Variants in WDR7 observed in about 807,000 individuals in gnomAD.
WDR7 encodes WD repeat domain 7, also known as WD repeat-containing protein 7.
A neutral mutation model predicts 169.4 loss-of-function variants in WDR7; 46 were observed. That is an observed-to-expected ratio of 0.27 (90% CI 0.21 to 0.35). The LOEUF is 0.35. WDR7 is among the 10% of genes least tolerant of loss of function. The probability of loss-of-function intolerance (pLI) is 1.00; values close to 1 mark genes in which losing one functional copy is unlikely to be tolerated. For missense variants in WDR7, 1,534 were observed against 1,859.3 expected, an observed-to-expected ratio of 0.83 and a Z score of 3.22; for synonymous variants, 612 against 666.8, an observed-to-expected ratio of 0.92 and a Z score of 1.27.
intron 20 of WDR7, among the ~76,000 whole-genome samples, chr18:56,855,046 T>C (rs1217864943): frequency 6.6e-6 from 1 of 152,192 alleles, no homozygotes; most frequent in Non-Finnish European, 1.5e-5. Context: ...GTCACATTCT[T>C]ATCCAAGATG....
chr18:56,900,342 G>A (rs1021973970), intron 21 of WDR7, among the ~76,000 whole-genome samples: 2 of 151,988 alleles, frequency 1.3e-5, no homozygotes, highest in Non-Finnish European at 2.9e-5. Context: ...GTTACTTTAG[G>A]TAGTGTAAAG....
At chr18:56,835,083 A>G (rs2045375470) in intron 20 of WDR7, among the ~76,000 whole-genome samples, 1 of 152,206 alleles carries the variant, frequency 6.6e-6, no homozygotes, top group Non-Finnish European at 1.5e-5. Context: ...TCAACTCAAT[A>G]TAAAGTAACC....
chr18:56,685,169 A>G (rs572197110), intron 5 of WDR7, among the ~76,000 whole-genome samples: 2 of 152,352 alleles, frequency 1.3e-5, no homozygotes, highest in East Asian at 3.8e-4. Context: ...AATAACAGTA[A>G]TAACTCAACT....
intron 21 of WDR7, among the ~76,000 whole-genome samples, chr18:56,905,538 T>C (rs908172003): frequency 6.6e-6 from 1 of 152,140 alleles, no homozygotes; most frequent in African/African-American, 2.4e-5. Flanking sequence ...GTTACAAATG[T>C]ACCCTGAGAA....
At chr18:56,744,264 AAAAAAG>A (rs1555684618) in intron 14 of WDR7, among the ~76,000 whole-genome samples, 7,989 of 140,974 alleles carry the variant, frequency 0.057, 316 homozygotes, top group East Asian at 0.26. Context: ...AAAAAAAAAA[AAAAAAG>A]AAAGAGCACA....
chr18:56,857,693 G>A (rs1286940515), intron 20 of WDR7, among the ~76,000 whole-genome samples: 2 of 152,072 alleles, frequency 1.3e-5, no homozygotes, highest in East Asian at 1.9e-4. Flanking sequence ...CACACACCCT[G>A]GGACACCCTG....
intron 26 of WDR7, among the ~76,000 whole-genome samples, chr18:56,974,031 A>G (rs1277544828): frequency 3.3e-5 from 5 of 152,264 alleles, no homozygotes; most frequent in Middle Eastern, 3.4e-3. Flanking sequence ...TTGTTGGTCC[A>G]TTGTTGTAGT....
chr18:56,840,960 CAG>C (rs1191570534), intron 20 of WDR7, among the ~76,000 whole-genome samples: 1 of 151,818 alleles, frequency 6.6e-6, no homozygotes, highest in African/African-American at 2.4e-5. Flanking sequence ...GGGGCCAAGA[CAG>C]GGGGGATCAC....
chr18:57,000,848 AT>A (rs1468344255), intron 26 of WDR7, among the ~76,000 whole-genome samples: 3 of 152,124 alleles, frequency 2.0e-5, no homozygotes, highest in Non-Finnish European at 4.4e-5. Flanking sequence ...ATATTCTGGA[AT>A]TTTAAAAATA....
At chr18:56,723,455 T>G (rs564157130) in intron 13 of WDR7, among the ~76,000 whole-genome samples, 1 of 152,248 alleles carries the variant, frequency 6.6e-6, no homozygotes, top group African/African-American at 2.4e-5. Flanking sequence ...CTATTTTATC[T>G]TCATTTTTAA....
intron 26 of WDR7, among the ~76,000 whole-genome samples, chr18:57,007,134 A>T (rs545764500): frequency 2.0e-5 from 3 of 151,816 alleles, no homozygotes; most frequent in Non-Finnish European, 4.4e-5. Flanking sequence ...CGCCCGCCAC[A>T]ACACCCAGCT....
intron 20 of WDR7, among the ~76,000 whole-genome samples, chr18:56,837,496 A>G (rs563837372): frequency 1.1e-3 from 174 of 152,344 alleles, no homozygotes; most frequent in Non-Finnish European, 2.1e-3. Flanking sequence ...TGATTAGTAT[A>G]TTAAAATGCC....
rs758943600 is a variant in WDR7 at position 56,679,359 on chromosome 18, C to A, written c.187C>A (p.His63Asn). 1 of 1,612,074 alleles carries A rather than the reference C, an allele frequency of 6.2e-7. No homozygotes were observed. Among genetic ancestry groups the A allele is most frequent in the Admixed American group, 1.7e-5 (1 of 59,992 alleles). Residue 63 changes from histidine to asparagine, a missense_variant, in exon 3 of 28, where the codon CAT (histidine) becomes AAT (asparagine). By Grantham distance (68) the His-to-Asn change is moderately conservative. Coordinates refer to ENST00000254442, the MANE Select transcript of WDR7 (RefSeq NM_015285.3). ...QINPRALLFG[H>N]TASITCLSKA... ...TAATCCTCGAGCACTGTTGTTTGGT[C>A]ATACAGCATCAATCACTTGTTTGTC...
intron 19 of WDR7, among the ~76,000 whole-genome samples, chr18:56,801,355 G>A (rs749605312): frequency 6.6e-6 from 1 of 151,988 alleles, no homozygotes; most frequent in African/African-American, 2.4e-5. Context: ...AGCTGTTTTT[G>A]TTTACACCTT....
intron 26 of WDR7, among the ~76,000 whole-genome samples, chr18:57,016,272 C>T (rs2048206440): frequency 6.6e-6 from 1 of 152,112 alleles, no homozygotes; most frequent in Non-Finnish European, 1.5e-5. Context: ...GTGCATTTTT[C>T]CAGTTTATGT....
chr18:56,676,668 T>G (rs999634375), intron 2 of WDR7, among the ~76,000 whole-genome samples: 1 of 152,106 alleles, frequency 6.6e-6, no homozygotes, highest in Non-Finnish European at 1.5e-5. Context: ...TAATAAAGAC[T>G]CTACACCTTA....
intron 26 of WDR7, among the ~76,000 whole-genome samples, chr18:56,966,607 A>G (rs1417940828): frequency 6.6e-6 from 1 of 152,102 alleles, no homozygotes; most frequent in Non-Finnish European, 1.5e-5. Flanking sequence ...CTAGTACTCT[A>G]TAAGTAGTAG....
intron 19 of WDR7, among the ~76,000 whole-genome samples, chr18:56,802,601 C>T (rs1223768084): frequency 6.6e-6 from 1 of 151,310 alleles, no homozygotes; most frequent in South Asian, 2.1e-4. Context: ...ATCTCCTGAC[C>T]TCGTGATACA....
At chr18:56,702,678 A>G (rs898416983) in intron 12 of WDR7, among the ~76,000 whole-genome samples, 1 of 152,212 alleles carries the variant, frequency 6.6e-6, no homozygotes, top group Non-Finnish European at 1.5e-5. Flanking sequence ...CATTTTAAAA[A>G]CACAAATCCA....
Sources: allele counts gnomAD v4.1 joint callset (sites outside exome capture counted in the v4.1 genomes callset), GRCh38; gene constraint gnomAD v4.1.1; transcripts MANE v1.5; gene names NCBI Gene and HGNC (gene_info 2026-07-23, HGNC 2026-07-21).